Variants in DLGAP2 observed in about 807,000 individuals in gnomAD.
DLGAP2 encodes DLG associated protein 2.
DLGAP2 carries 26 observed loss-of-function variants against 100.3 expected under a neutral mutation model. That is an observed-to-expected ratio of 0.26 (90% confidence interval 0.19 to 0.36). DLGAP2 has a LOEUF of 0.36. Ranked by LOEUF, DLGAP2 falls within the 10% of genes least tolerant of loss-of-function variation. The pLI, the probability that DLGAP2 is intolerant of heterozygous loss-of-function variation, is 1.00. For synonymous variants in DLGAP2, 886 were observed against 630.1 expected (o/e 1.41, Z -6.08); for missense variants, 1,858 against 1,453.2 (o/e 1.28, Z -4.53).
At chr8:1,063,196 T>C (rs1459518630) in intron 2 of DLGAP2, among the ~76,000 whole-genome samples, 1 of 152,208 alleles carries the variant, frequency 6.6e-6, no homozygotes, top group Non-Finnish European at 1.5e-5. Context: ...TGCCATATAT[T>C]TGTCATTAAG....
At chr8:1,312,740 T>A (rs1251741366) in intron 3 of DLGAP2, among the ~76,000 whole-genome samples, 1 of 152,202 alleles carries the variant, frequency 6.6e-6, no homozygotes, top group African/African-American at 2.4e-5. Context: ...ACTCAGTTAA[T>A]TAACTTGGAA....
chr8:803,456 G>T (rs1476841279), intron 1 of DLGAP2, among the ~76,000 whole-genome samples: 1 of 151,626 alleles, frequency 6.6e-6, no homozygotes, highest in East Asian at 1.9e-4. Context: ...GATCCTTGAG[G>T]CCACCTCTAC....
intron 2 of DLGAP2, among the ~76,000 whole-genome samples, chr8:955,450 T>C (rs1339546675): frequency 6.6e-6 from 1 of 152,090 alleles, no homozygotes; most frequent in Non-Finnish European, 1.5e-5. Context: ...CCAGTGTCAG[T>C]TTTTGGAAGT....
At chr8:1,604,022 A>G (rs1023918563) in intron 6 of DLGAP2, among the ~76,000 whole-genome samples, 3 of 152,092 alleles carry the variant, frequency 2.0e-5, no homozygotes, top group Non-Finnish European at 4.4e-5. Flanking sequence ...AGCTGCGGCC[A>G]CACATTTCCA....
intron 3 of DLGAP2, among the ~76,000 whole-genome samples, chr8:1,353,403 G>A (rs1482422557): frequency 6.6e-6 from 1 of 152,188 alleles, no homozygotes; most frequent in Non-Finnish European, 1.5e-5. Flanking sequence ...TTTGCTTTCA[G>A]TACCATGGTC....
chr8:1,222,859 C>T (rs78997553), intron 2 of DLGAP2, among the ~76,000 whole-genome samples: 7,715 of 152,084 alleles, frequency 0.051, 653 homozygotes, highest in African/African-American at 0.18. Context: ...GTCAGAGGGG[C>T]GTTCAGATCA....
rs73170406 is a variant in DLGAP2 at position 1,274,353 on chromosome 8, G to T, written c.106+15470G>T. On this transcript the variant is annotated intron_variant, in intron 3 of 14. Transcript: ENST00000637795. ...TGTGAACGTGAAAATAAGCCAGCAC[G>T]TATAAGAAAATAAACCATAAAATAA... Among the ~76,000 whole-genome samples the T allele has an allele frequency of 7.2e-5, 11 of 152,068 alleles. No individual in the cohort carries two copies. The East Asian group carries it at 2.1e-3, about 29-fold the overall frequency.
At chr8:1,251,288 A>G (rs1335372840) in intron 2 of DLGAP2, among the ~76,000 whole-genome samples, 1 of 152,234 alleles carries the variant, frequency 6.6e-6, no homozygotes, top group Non-Finnish European at 1.5e-5. Context: ...TACCTGACAC[A>G]AGGTAGGTTT....
chr8:970,249 A>G (rs1322955437), intron 2 of DLGAP2, among the ~76,000 whole-genome samples: 1 of 152,236 alleles, frequency 6.6e-6, no homozygotes, highest in East Asian at 1.9e-4. Flanking sequence ...AGTTATAAAA[A>G]TTGATGGTGG....
In DLGAP2 at chr8:1,621,604, C is replaced by T. The variant is rs114884426; in HGVS notation, c.1443-5136C>T. ...TCATCAGTATGGAGAAGGCCGGACT[C>T]TGCTCAGAAGCCACTGAGCAGGTGC... On this transcript the variant is annotated intron_variant, in intron 6 of 14. Coordinates refer to ENST00000637795, the MANE Select transcript of DLGAP2 (RefSeq NM_001346810.2). The T allele has an allele frequency of 3.4e-3, 511 of 152,278 alleles. 2 individuals carry two copies. Among genetic ancestry groups the T allele is most frequent in the African/African-American group, 0.012 (496 of 41,518 alleles). 9.4% of individuals were successfully genotyped at this position (152,278 alleles called of 1,614,324 possible).
chr8:1,420,670 C>A (rs929232153), intron 3 of DLGAP2, among the ~76,000 whole-genome samples: 1 of 152,174 alleles, frequency 6.6e-6, no homozygotes. Context: ...TGCATTCCCT[C>A]TCGCCAAAAT....
chr8:1,259,327 AGT>A (rs1217224290), intron 3 of DLGAP2, among the ~76,000 whole-genome samples: 2 of 152,168 alleles, frequency 1.3e-5, no homozygotes, highest in African/African-American at 4.8e-5. Context: ...GATGTTCATC[AGT>A]GTTGCTTATT....
At chr8:1,598,342 C>G (rs1008940538) in intron 6 of DLGAP2, among the ~76,000 whole-genome samples, 23 of 152,194 alleles carry the variant, frequency 1.5e-4, no homozygotes, top group African/African-American at 5.3e-4. Context: ...TGTTGTGTCT[C>G]TGCCAGGTTG....
rs570057917 is a variant in DLGAP2, at chr8:946,933, G to C, written c.73+38967G>C. On this transcript the variant is annotated intron_variant, in intron 2 of 14. Coordinates refer to ENST00000637795, the MANE Select transcript of DLGAP2 (RefSeq NM_001346810.2). The stretch of plus-strand genomic sequence containing the variant: ...GAAAAGCCACCGGCCGCCCTGTCCT[G>C]CTGCCGGGGTTGCGCACCGGGCGAG... 3.5e-4 allele frequency among the ~76,000 whole-genome samples: 53 copies of C among 152,328 alleles called. 1 individual carries two copies. The East Asian group carries it at 0.01, about 29-fold the overall frequency.
intron 6 of DLGAP2, among the ~76,000 whole-genome samples, chr8:1,568,944 G>A (rs1802540856): frequency 8.1e-6 from 1 of 122,852 alleles, no homozygotes; most frequent in Non-Finnish European, 1.7e-5. Context: ...CTCTGCCCGT[G>A]GCCTCCATGC....
intron 2 of DLGAP2, among the ~76,000 whole-genome samples, chr8:1,202,233 A>G (rs1011944158): frequency 7.9e-6 from 1 of 125,868 alleles, no homozygotes; most frequent in Non-Finnish European, 1.6e-5. Context: ...TTCTGTATGT[A>G]TAGATGCAGT....
At chr8:1,527,776 G>A (rs1800841916) in intron 4 of DLGAP2, among the ~76,000 whole-genome samples, 1 of 152,146 alleles carries the variant, frequency 6.6e-6, no homozygotes, top group Admixed American at 6.5e-5. Flanking sequence ...ACCCCCCTCA[G>A]GGGGACACAG....
chr8:1,229,460 G>C (rs1173659607), intron 2 of DLGAP2, among the ~76,000 whole-genome samples: 1 of 152,102 alleles, frequency 6.6e-6, no homozygotes, highest in African/African-American at 2.4e-5. Flanking sequence ...GCAAGATTAT[G>C]TATTTCCAGG....
chr8:1,267,096 G>T (rs1234688778), intron 3 of DLGAP2, among the ~76,000 whole-genome samples: 1 of 151,882 alleles, frequency 6.6e-6, no homozygotes, highest in East Asian at 1.9e-4. Context: ...GCCAGGCGTG[G>T]GGGTGGGTGC....
Sources: allele counts gnomAD v4.1 joint callset (sites outside exome capture counted in the v4.1 genomes callset), GRCh38; gene constraint gnomAD v4.1.1; transcripts MANE v1.5; gene names NCBI Gene and HGNC (gene_info 2026-07-23, HGNC 2026-07-21).